DLG2: variants seen among roughly 807,000 people sequenced by gnomAD.
The protein encoded by DLG2 is discs large MAGUK scaffold protein 2.
Under a neutral mutation model 132.5 loss-of-function variants are expected in DLG2, and 45 were observed. That is an observed-to-expected ratio of 0.34 (90% confidence interval 0.27 to 0.44). The LOEUF (loss-of-function observed/expected upper bound fraction) is 0.44. Ranked by LOEUF, DLG2 falls within the 20% of genes least tolerant of loss-of-function variation. The pLI is 1.00. For synonymous variants in DLG2, 424 were observed against 419.6 expected (o/e 1.01, Z -0.13); for missense variants, 1,045 against 1,196.9 (o/e 0.87, Z 1.87).
chr11:84,156,934 C>T (rs554948044), intron 9 of DLG2, among the ~76,000 whole-genome samples: 1 of 152,202 alleles, frequency 6.6e-6, no homozygotes, highest in East Asian at 1.9e-4. Context: ...ATTCTTTTAT[C>T]TCACATTGTT....
At chr11:83,476,915 G>A (rs547767941) in intron 22 of DLG2, among the ~76,000 whole-genome samples, 43 of 152,060 alleles carry the variant, frequency 2.8e-4, no homozygotes, top group Non-Finnish European at 5.3e-4. Context: ...GACTAAAGGA[G>A]TAAAGACATC....
At chr11:84,310,496 G>A (rs1441359941) in intron 7 of DLG2, among the ~76,000 whole-genome samples, 4 of 152,100 alleles carry the variant, frequency 2.6e-5, no homozygotes, top group Non-Finnish European at 5.9e-5. Context: ...CCCATTCTGT[G>A]TGCTTGGCCT....
At chr11:83,662,328 T>C (rs2074487465) in intron 18 of DLG2, among the ~76,000 whole-genome samples, 1 of 152,180 alleles carries the variant, frequency 6.6e-6, no homozygotes, top group Middle Eastern at 3.2e-3. Flanking sequence ...TGGCTCTATC[T>C]GCAAAAAGCA....
At chr11:84,593,737 G>A (rs1565399354) in intron 6 of DLG2, among the ~76,000 whole-genome samples, 1 of 152,070 alleles carries the variant, frequency 6.6e-6, no homozygotes, top group Non-Finnish European at 1.5e-5. Flanking sequence ...CATGGCACGA[G>A]TATATCTATG....
At chr11:85,031,754 A>G (rs567792686) in intron 6 of DLG2, among the ~76,000 whole-genome samples, 5 of 152,158 alleles carry the variant, frequency 3.3e-5, no homozygotes, top group Non-Finnish European at 5.9e-5. Flanking sequence ...AACTTCCGAG[A>G]GCTACTTGAA....
intron 6 of DLG2, among the ~76,000 whole-genome samples, chr11:84,551,248 T>A (rs539559025): frequency 1.3e-5 from 2 of 152,238 alleles, no homozygotes; most frequent in African/African-American, 2.4e-5. Context: ...GTGGTTTAAA[T>A]ATTCTCCAAA....
chr11:83,735,779 G>T (rs1271509080), intron 18 of DLG2, among the ~76,000 whole-genome samples: 1 of 152,136 alleles, frequency 6.6e-6, no homozygotes, highest in Non-Finnish European at 1.5e-5. Flanking sequence ...ACATAAGATG[G>T]TTCACCCTTT....
intron 3 of DLG2, among the ~76,000 whole-genome samples, chr11:85,512,823 A>C (rs2094104508): frequency 6.6e-6 from 1 of 152,146 alleles, no homozygotes; most frequent in South Asian, 2.1e-4. Flanking sequence ...CATTCGACCC[A>C]GCAATCCCAT....
At chr11:83,623,887 A>G (rs1280304010) in intron 19 of DLG2, among the ~76,000 whole-genome samples, 3 of 151,456 alleles carry the variant, frequency 2.0e-5, no homozygotes, top group Non-Finnish European at 4.4e-5. Context: ...TCCTGTGAGC[A>G]TTCTGTGTCT....
chr11:83,817,571 TA>T (rs1166905571), intron 17 of DLG2, among the ~76,000 whole-genome samples: 1 of 152,166 alleles, frequency 6.6e-6, no homozygotes, highest in Non-Finnish European at 1.5e-5. Flanking sequence ...TTAAAACTTT[TA>T]TTATTTAAAG....
At chr11:85,076,533 G>A (rs1405318258) in intron 6 of DLG2, among the ~76,000 whole-genome samples, 1 of 152,024 alleles carries the variant, frequency 6.6e-6, no homozygotes, top group African/African-American at 2.4e-5. Context: ...ATGTGTCACA[G>A]ACATAATCAA....
At chr11:84,622,735 A>G (rs192335217) in intron 6 of DLG2, among the ~76,000 whole-genome samples, 1 of 152,306 alleles carries the variant, frequency 6.6e-6, no homozygotes, top group East Asian at 1.9e-4. Flanking sequence ...ACATGGTCAA[A>G]GAATGAGGAA....
chr11:84,917,533 G>A (rs999368538), intron 6 of DLG2, among the ~76,000 whole-genome samples: 1 of 152,200 alleles, frequency 6.6e-6, no homozygotes, highest in Admixed American at 6.5e-5. Context: ...CTAAACTTTA[G>A]TTTCCTCATA....
At chr11:83,638,367 A>C (rs1056615965) in intron 18 of DLG2, among the ~76,000 whole-genome samples, 1 of 152,160 alleles carries the variant, frequency 6.6e-6, no homozygotes, top group Non-Finnish European at 1.5e-5. Context: ...ATTACTGTGA[A>C]AGTTATTAAC....
At chr11:84,810,811 T>A (rs773395231) in intron 6 of DLG2, among the ~76,000 whole-genome samples, 1 of 152,074 alleles carries the variant, frequency 6.6e-6, no homozygotes, top group Non-Finnish European at 1.5e-5. Context: ...TCCAAAATAT[T>A]ATGCTGAGTT....
intron 6 of DLG2, among the ~76,000 whole-genome samples, chr11:84,789,764 C>G (rs2073519977): frequency 6.6e-6 from 1 of 152,102 alleles, no homozygotes; most frequent in African/African-American, 2.4e-5. Flanking sequence ...TCCTTCTAAT[C>G]TCAATTGAAT....
intron 3 of DLG2, among the ~76,000 whole-genome samples, chr11:85,354,386 C>T (rs965992332): frequency 9.9e-5 from 15 of 152,056 alleles, no homozygotes; most frequent in African/African-American, 2.9e-4. Flanking sequence ...CTCAGATATA[C>T]GACAGTCACT....
At chr11:85,353,816 C>T (rs1178736131) in intron 3 of DLG2, among the ~76,000 whole-genome samples, 1 of 151,920 alleles carries the variant, frequency 6.6e-6, no homozygotes, top group African/African-American at 2.4e-5. Flanking sequence ...GAGTGGGAAA[C>T]ATCACACACT....
chr11:83,520,106 T>C (rs992022952), intron 21 of DLG2, among the ~76,000 whole-genome samples: 2 of 152,236 alleles, frequency 1.3e-5, no homozygotes, highest in African/African-American at 2.4e-5. Context: ...ACAGGACGTG[T>C]TAGTAAAATC....
Sources: allele counts gnomAD v4.1 joint callset (sites outside exome capture counted in the v4.1 genomes callset), GRCh38; gene constraint gnomAD v4.1.1; transcripts MANE v1.5; gene names NCBI Gene and HGNC (gene_info 2026-07-23, HGNC 2026-07-21).